MCF2L2: variants seen among roughly 807,000 people sequenced by gnomAD.
MCF2L2 encodes probable guanine nucleotide exchange factor MCF2L2.
MCF2L2 carries 102 observed loss-of-function variants against 150.2 expected under a neutral mutation model. The ratio of observed to expected loss-of-function variants is 0.68; its 90% CI spans 0.58 to 0.80. The LOEUF is 0.80. MCF2L2 is among the 30% of genes least tolerant of loss of function. The probability of loss-of-function intolerance (pLI) is 0.00; values close to 1 mark genes in which losing one functional copy is unlikely to be tolerated. For missense variants in MCF2L2, 1,256 were observed against 1,372.8 expected (o/e 0.91, Z 1.34); for synonymous variants, 465 against 491.3 (o/e 0.95, Z 0.71).
intron 25 of MCF2L2, among the ~76,000 whole-genome samples, chr3:183,199,969 G>C (rs971093239): frequency 6.6e-6 from 1 of 152,094 alleles, no homozygotes; most frequent in Non-Finnish European, 1.5e-5. Context: ...TGTTTTTTAT[G>C]GCTGCATAGT....
At chr3:183,286,100 T>C (rs1289977116) in intron 14 of MCF2L2, among the ~76,000 whole-genome samples, 4 of 152,188 alleles carry the variant, frequency 2.6e-5, no homozygotes, top group Admixed American at 1.3e-4. Flanking sequence ...CTGTCAAGTT[T>C]AGCTTCTCAA....
intron 3 of MCF2L2, among the ~76,000 whole-genome samples, chr3:183,350,482 CTT>C (rs2108551840): frequency 6.6e-6 from 1 of 152,292 alleles, no homozygotes; most frequent in East Asian, 1.9e-4. Flanking sequence ...CACAAATACT[CTT>C]TGATATGATT....
At chr3:183,395,428 G>A (rs1714384005) in intron 1 of MCF2L2, among the ~76,000 whole-genome samples, 2 of 152,190 alleles carry the variant, frequency 1.3e-5, no homozygotes, top group Admixed American at 6.5e-5. Flanking sequence ...AAACAGTTGT[G>A]TTAAAGTGAT....
Position 183,229,699 on chromosome 3 carries a change from C to G in MCF2L2, c.2012G>C (p.Gly671Ala). ...AAATTCGTAAAGTTCTCTAATATTC[C>G]CAAAGAGAAAGTCCTTGTTATTCTG... ...VLQNNKDFLF[G>A]NIRELYEFHN... The change falls in exon 17 of 30, where the codon GGG becomes GCG. Residue 671 changes from glycine (G) to alanine (A), a missense_variant. Gly to Ala is a moderately conservative substitution (Grantham distance 60, BLOSUM62 0). Coordinates refer to ENST00000328913, the MANE Select transcript of MCF2L2 (RefSeq NM_015078.4). The G allele has an allele frequency of 6.3e-7, 1 of 1,590,630 alleles. No homozygotes were observed. The highest frequency in any genetic ancestry group is 8.6e-7 in the Non-Finnish European group (1 of 1,161,878).
intron 1 of MCF2L2, 102 bp from the exon 2 acceptor site, chr3:183,389,881 C>G (rs1714044434): frequency 3.4e-6 from 3 of 885,716 alleles, no homozygotes; most frequent in Non-Finnish European, 5.5e-6. Flanking sequence ...AAATCTGGGA[C>G]TTATCAAGAG....
chr3:183,228,807 C>T (rs1723445649), intron 17 of MCF2L2, among the ~76,000 whole-genome samples: 1 of 152,126 alleles, frequency 6.6e-6, no homozygotes, highest in Non-Finnish European at 1.5e-5. Flanking sequence ...ATAAGAACTG[C>T]TGCTGCTGCT....
intron 1 of MCF2L2, among the ~76,000 whole-genome samples, chr3:183,418,592 A>G (rs1177576256): frequency 2.0e-5 from 3 of 152,224 alleles, no homozygotes; most frequent in Non-Finnish European, 2.9e-5. Flanking sequence ...TACTGGGTAA[A>G]TGTTCCCATT....
In MCF2L2 at chr3:183,305,765, C is replaced by T. The variant is rs59766775; in HGVS notation, c.1113+3951G>A. 0.013 allele frequency among the ~76,000 whole-genome samples: 1,931 copies of T among 152,282 alleles called. 44 individuals carry two copies. The highest frequency in any genetic ancestry group is 0.044 in the African/African-American group (1,839 of 41,540). ...TTGGGAGGCTGAGACAGAAGAATCG[C>T]TTGAACCCAGGAGGCGGAGGTTGCA... On this transcript the variant is annotated intron_variant, in intron 10 of 29. Transcript: ENST00000328913. The surrounding 1 kb of genome is among the most constrained non-coding windows in gnomAD (Gnocchi z 4.1).
intron 3 of MCF2L2, among the ~76,000 whole-genome samples, chr3:183,360,598 C>T (rs937934746): frequency 5.3e-5 from 8 of 151,774 alleles, no homozygotes; most frequent in Admixed American, 2.0e-4. Context: ...GAGAGAATGT[C>T]TCCTCATCCT....
intron 2 of MCF2L2, among the ~76,000 whole-genome samples, chr3:183,380,299 T>A (rs1289663248): frequency 6.6e-6 from 1 of 152,194 alleles, no homozygotes; most frequent in African/African-American, 2.4e-5. Context: ...ATGGGAGCAC[T>A]GTGACTGTTT....
At chr3:183,269,751 CCGTGCCTGTTTAAAA>C in intron 15 of MCF2L2, 1 of 1,526,020 alleles carries the variant, frequency 6.6e-7, no homozygotes, top group Non-Finnish European at 8.9e-7. Context: ...TCGAAGAAGC[CCGTGCCTGTTTAAAA>C]CTGATCCTAA....
chr3:183,298,477 T>C (rs1024473557), intron 11 of MCF2L2: 1 of 152,178 alleles, frequency 6.6e-6, no homozygotes, highest in Non-Finnish European at 1.5e-5. Context: ...ATGTACCACA[T>C]TTAGAATAAT....
Position 183,379,332 on chromosome 3 carries a change from G to T in MCF2L2, c.240C>A (p.Phe80Leu). The change falls in exon 3 of 30, where the codon TTC (phenylalanine) becomes TTA (leucine). Residue 80 changes from phenylalanine to leucine, a missense_variant. Phe to Leu is a conservative substitution (Grantham distance 22). Coordinates refer to ENST00000328913, the MANE Select transcript of MCF2L2 (RefSeq NM_015078.4). ...TAGTCAGGTAGGTCATGACATTCAGGAAGTCTTCATCTGGGATGTGTTTGA... is the reference window on the plus strand; with the variant it reads ...TAGTCAGGTAGGTCATGACATTCAGTAAGTCTTCATCTGGGATGTGTTTGA... ...SGFKHIPDED[F>L]LNVMTYLTSI... The T allele has an allele frequency of 6.2e-7, 1 of 1,611,192 alleles. No individual in the cohort carries two copies. Among genetic ancestry groups the T allele is most frequent in the Non-Finnish European group, 8.5e-7 (1 of 1,178,812 alleles).
At chr3:183,221,548 C>T (rs1383215225) in intron 20 of MCF2L2, among the ~76,000 whole-genome samples, 7 of 152,126 alleles carry the variant, frequency 4.6e-5, no homozygotes, top group African/African-American at 1.7e-4. Context: ...GAACCTAGCT[C>T]CTATGTAAAT....
chr3:183,362,011 G>A (rs544013144), intron 3 of MCF2L2, among the ~76,000 whole-genome samples: 13 of 152,260 alleles, frequency 8.5e-5, no homozygotes, highest in South Asian at 2.1e-4. Flanking sequence ...TAAGTCAATC[G>A]TGTGCTTAGA....
chr3:183,402,883 C>A (rs75244167), intron 1 of MCF2L2, among the ~76,000 whole-genome samples: 53,878 of 150,208 alleles, frequency 0.36, 9,738 homozygotes, highest in Middle Eastern at 0.41. Context: ...TATATATATA[C>A]GAAATTTAAA....
intron 6 of MCF2L2, among the ~76,000 whole-genome samples, chr3:183,322,848 A>G (rs1207248494): frequency 1.3e-5 from 2 of 152,038 alleles, no homozygotes; most frequent in East Asian, 3.9e-4. Context: ...TTCTGACTTC[A>G]TGGGTGTCAA....
intron 25 of MCF2L2, among the ~76,000 whole-genome samples, chr3:183,202,840 C>T (rs1427344856): frequency 6.6e-6 from 1 of 152,138 alleles, no homozygotes; most frequent in Non-Finnish European, 1.5e-5. Flanking sequence ...GCAATTTTAA[C>T]AGAAAATAAT....
chr3:183,187,535 C>T (rs1721738898), intron 27 of MCF2L2, among the ~76,000 whole-genome samples: 1 of 152,078 alleles, frequency 6.6e-6, no homozygotes, highest in South Asian at 2.1e-4. Context: ...GTGGCATCAT[C>T]TCAGCTCACT....
Sources: gnomAD v4.1 joint callset for allele counts (sites outside exome capture counted in the v4.1 genomes callset) on GRCh38, gnomAD v4.1.1 for gene constraint, Gnocchi (gnomAD v3.1) non-coding constraint, MANE v1.5 for transcripts, NCBI Gene and HGNC (gene_info 2026-07-23, HGNC 2026-07-21) for gene names.